RERE: variants seen among roughly 807,000 people sequenced by gnomAD.
RERE encodes arginine-glutamic acid dipeptide repeats protein.
In RERE, 40 loss-of-function variants were observed where a neutral mutation model predicts 146.1. The ratio of observed to expected loss-of-function variants is 0.27; its 90% CI spans 0.21 to 0.36. The LOEUF is 0.36. RERE is among the 10% of genes least tolerant of loss of function. The probability of loss-of-function intolerance (pLI) is 1.00; values close to 1 mark genes in which losing one functional copy is unlikely to be tolerated. For missense variants in RERE, 1,933 were observed against 2,138.7 expected, an observed-to-expected ratio of 0.90 and a Z score of 1.90; for synonymous variants, 1,003 against 866.0, an observed-to-expected ratio of 1.16 and a Z score of -2.78.
intron 8 of RERE, 150 bp downstream of exon 8, chr1:8,508,477 A>G: frequency 1.6e-6 from 1 of 623,176 alleles, no homozygotes; most frequent in Non-Finnish European, 2.8e-6. Flanking sequence ...GTATGTGGTG[A>G]TCTGAGGAGG....
At chr1:8,558,974 T>C (rs1646039603) in intron 4 of RERE, among the ~76,000 whole-genome samples, 1 of 150,994 alleles carries the variant, frequency 6.6e-6, no homozygotes, top group Admixed American at 6.6e-5. Context: ...TTTTGTATTT[T>C]TAGTAGAGAC....
intron 1 of RERE, among the ~76,000 whole-genome samples, chr1:8,775,054 G>A (rs980713853): frequency 2.8e-5 from 4 of 142,246 alleles, no homozygotes; most frequent in Admixed American, 7.6e-5. Context: ...TCCACTTCCC[G>A]GGTTCAAGCG....
chr1:8,691,246 G>T (rs1056392410), intron 1 of RERE, among the ~76,000 whole-genome samples: 8 of 152,156 alleles, frequency 5.3e-5, no homozygotes, highest in African/African-American at 1.9e-4. Context: ...TGAGTTACAG[G>T]ATTCTAAATC....
At chr1:8,732,145 T>C (rs1317864605) in intron 1 of RERE, among the ~76,000 whole-genome samples, 1 of 152,176 alleles carries the variant, frequency 6.6e-6, no homozygotes, top group Admixed American at 6.5e-5. Context: ...CCCACAATCG[T>C]GCCCCTAAGC....
chr1:8,626,726 G>A (rs1278011851), intron 2 of RERE, among the ~76,000 whole-genome samples: 1 of 152,076 alleles, frequency 6.6e-6, no homozygotes, highest in Admixed American at 6.5e-5. Context: ...AAGCTCTCCT[G>A]CCCTAAATCC....
At position 8,383,088 on chromosome 1, in the gene RERE, G is replaced by A. The variant is rs147063064; in HGVS notation, c.1285-17114C>T. Among the ~76,000 whole-genome samples, 267 of 151,734 alleles carry A rather than the reference G, an allele frequency of 1.8e-3. 2 individuals are homozygous for A. The highest frequency in any genetic ancestry group is 3.0e-3 in the Non-Finnish European group (204 of 67,950). On this transcript the variant is annotated intron_variant, in intron 12 of 22. Transcript: ENST00000400908. ...TCCTCTATCATGTTTCCCCTAGAAC[G>A]ACAGTGCCTTATGTAGTCAAAGAAT...
At chr1:8,557,615 T>G in intron 4 of RERE, 92 bp from the exon 5 acceptor site, 1 of 779,506 alleles carries the variant, frequency 1.3e-6, no homozygotes, top group Non-Finnish European at 2.3e-6. Flanking sequence ...TGTAAACGGG[T>G]GGACACGTAG....
At chr1:8,795,514 G>T (rs937938351) in intron 1 of RERE, among the ~76,000 whole-genome samples, 3 of 151,954 alleles carry the variant, frequency 2.0e-5, no homozygotes, top group Admixed American at 1.3e-4. Flanking sequence ...TTCAGTTTAT[G>T]TACTACTGTC....
intron 8 of RERE, among the ~76,000 whole-genome samples, chr1:8,501,857 C>A (rs1368710471): frequency 1.6e-5 from 2 of 126,226 alleles, no homozygotes; most frequent in African/African-American, 6.1e-5. Flanking sequence ...CCCCTCTGCC[C>A]GGCCAGCCGC....
At chr1:8,410,431 T>G (rs984765403) in intron 12 of RERE, among the ~76,000 whole-genome samples, 1 of 152,158 alleles carries the variant, frequency 6.6e-6, no homozygotes, top group Non-Finnish European at 1.5e-5. Context: ...GAAGACGTTA[T>G]GGCAAGAATC....
chr1:8,709,137 G>T (rs1312542413), intron 1 of RERE, among the ~76,000 whole-genome samples: 3 of 151,672 alleles, frequency 2.0e-5, no homozygotes, highest in Non-Finnish European at 1.5e-5. Context: ...AGCCAGGATG[G>T]TCTCGATCTC....
At chr1:8,786,972 A>G in intron 1 of RERE, 7 of 629,866 alleles carry the variant, frequency 1.1e-5, no homozygotes, top group Non-Finnish European at 2.0e-5. Context: ...TAACTTTCAC[A>G]CAGCAGCCAA....
At chr1:8,774,132 A>G (rs1641010392) in intron 1 of RERE, among the ~76,000 whole-genome samples, 2 of 152,066 alleles carry the variant, frequency 1.3e-5, no homozygotes, top group Admixed American at 1.3e-4. Context: ...CTCTACCTCT[A>G]AAGCCATTCA....
intron 4 of RERE, among the ~76,000 whole-genome samples, chr1:8,611,632 A>T (rs1646794710): frequency 6.6e-6 from 1 of 152,236 alleles, no homozygotes; most frequent in South Asian, 2.1e-4. Flanking sequence ...CATGGCTAAA[A>T]GAATTAAAAT....
Position 8,656,358 on chromosome 1 carries a change from A to G in RERE, c.-61T>C, listed in dbSNP as rs1483783758. On this transcript the variant is annotated 5_prime_UTR_variant, in exon 2 of 23. Coordinates refer to ENST00000400908, the MANE Select transcript of RERE (RefSeq NM_001042681.2). Reference sequence around the variant, plus strand: ...TAGGCCTCCGTGAAAGGTAGACAGTAAGCCTGGGCTTCAGTCTTCTGAATT... The same window carrying G: ...TAGGCCTCCGTGAAAGGTAGACAGTGAGCCTGGGCTTCAGTCTTCTGAATT... The G allele has an allele frequency of 2.6e-6, 4 of 1,527,626 alleles. No individual in the cohort carries two copies. The African/African-American group carries it at 5.6e-5, about 21-fold the overall frequency. 94.6% of individuals were successfully genotyped at this position (1,527,626 alleles called of 1,614,324 possible). A position where few individuals can be genotyped will look rare whatever the true frequency, so the allele number is the denominator to read the frequency against.
rs1233260016 is a variant in RERE at position 8,360,939 on chromosome 1, G to A, written c.2568C>T (p.Ser856=). Residue 856 remains serine (S), a synonymous_variant, in exon 18 of 23, where the codon AGC becomes AGT. Transcript: ENST00000400908. The part of the protein sequence containing the change: ...LHGQGPPGPH[S]LQAGPLLQHP... ...GCTGCAGCAGGGGCCCAGCCTGCAG[G>A]CTGTGAGGGCCGGGTGGGCCCTGAC... 3 of 1,464,470 alleles carry A rather than the reference G, an allele frequency of 2.0e-6. No individual in the cohort carries two copies. Among genetic ancestry groups the A allele is most frequent in the African/African-American group, 1.4e-5 (1 of 70,220 alleles). The allele number at this position is 1,464,470 out of a possible 1,614,324, so 90.7% of individuals were successfully genotyped here.
intron 1 of RERE, among the ~76,000 whole-genome samples, chr1:8,684,921 G>A (rs949217772): frequency 6.6e-6 from 1 of 152,184 alleles, no homozygotes; most frequent in Non-Finnish European, 1.5e-5. Context: ...TGCAGTGCAC[G>A]ATCATGGCTC....
chr1:8,552,792 C>T (rs917677930), intron 6 of RERE, among the ~76,000 whole-genome samples: 6 of 152,232 alleles, frequency 3.9e-5, no homozygotes, highest in Admixed American at 3.9e-4. Flanking sequence ...AGAGCGAGGC[C>T]GGATCACTAA....
chr1:8,379,367 CA>C (rs1018415640), intron 12 of RERE, among the ~76,000 whole-genome samples: 1 of 151,866 alleles, frequency 6.6e-6, no homozygotes, highest in Non-Finnish European at 1.5e-5. Flanking sequence ...CACAGACAGA[CA>C]AATGTGTGAG....
Sources: gnomAD v4.1 joint callset for allele counts (sites outside exome capture counted in the v4.1 genomes callset) on GRCh38, gnomAD v4.1.1 for gene constraint, MANE v1.5 for transcripts, NCBI Gene and HGNC (gene_info 2026-07-23, HGNC 2026-07-21) for gene names.